The following MAP9 variants were observed in gnomAD, a reference collection of about 807,000 sequenced individuals.
MAP9 encodes microtubule-associated protein 9.
In MAP9, 80 loss-of-function variants were observed where a neutral mutation model predicts 75.2. The ratio of observed to expected loss-of-function variants is 1.06; its 90% CI spans 0.89 to 1.28. The LOEUF is 1.28. Ranked by LOEUF, MAP9 falls within the 50% of genes most tolerant of loss-of-function variation. The probability of loss-of-function intolerance (pLI) is 0.00; values close to 1 mark genes in which losing one functional copy is unlikely to be tolerated. For missense variants in MAP9, 753 were observed against 719.9 expected, an observed-to-expected ratio of 1.05 and a Z score of -0.53; for synonymous variants, 235 against 237.3, an observed-to-expected ratio of 0.99 and a Z score of 0.09.
intron 4 of MAP9, among the ~76,000 whole-genome samples, chr4:155,369,555 G>A (rs1283203698): frequency 1.3e-5 from 2 of 152,082 alleles, no homozygotes; most frequent in Non-Finnish European, 2.9e-5. Context: ...TGAGTACCAA[G>A]CCCTGTACAC....
intron 7 of MAP9, 43 bp downstream of exon 7, chr4:155,360,125 A>T (rs778825816): frequency 6.4e-7 from 1 of 1,559,120 alleles, no homozygotes; most frequent in South Asian, 1.2e-5. Flanking sequence ...TTCTATTTCA[A>T]GTTTTAAGCT....
chr4:155,369,598 T>C (rs1205728615), intron 4 of MAP9, among the ~76,000 whole-genome samples: 1 of 152,128 alleles, frequency 6.6e-6, no homozygotes, highest in Non-Finnish European at 1.5e-5. Context: ...AAAGCGGCAA[T>C]GGACCTGTCC....
intron 8 of MAP9, chr4:155,357,178 C>A: frequency 2.9e-6 from 1 of 348,852 alleles, no homozygotes; most frequent in Non-Finnish European, 5.2e-6. Context: ...GAAAAATATT[C>A]CTAGGACGAT....
chr4:155,368,911 C>G, intron 4 of MAP9, 99 bp from the exon 5 acceptor site: 1 of 929,288 alleles, frequency 1.1e-6, no homozygotes, highest in Non-Finnish European at 1.6e-6. Context: ...GCCTATGCCC[C>G]TTTGTTCTCT....
Position 155,360,298 on chromosome 4 carries a change from A to C in MAP9, c.920T>G (p.Val307Gly). Residue 307 changes from valine (V) to glycine (G), a missense_variant, in exon 7 of 14, where the codon GTG (valine) becomes GGG (glycine). Val to Gly is a moderately radical substitution (Grantham distance 109). Transcript: ENST00000311277. ...TAVEKSKESQ[V>G]TADDLEEEKA... is the part of the protein sequence containing the mutation. Reference sequence around the variant, plus strand: ...TTCTTCTTCAAGGTCATCAGCAGTCACTTGACTTTCCTTGGATTTCTCAAC... The same window carrying C: ...TTCTTCTTCAAGGTCATCAGCAGTCCCTTGACTTTCCTTGGATTTCTCAAC... 1 of 1,613,256 alleles carries C rather than the reference A, an allele frequency of 6.2e-7. No homozygotes were observed. The highest frequency in any genetic ancestry group is 8.5e-7 in the Non-Finnish European group (1 of 1,179,436).
At chr4:155,371,361 A>G (rs540583408) in intron 4 of MAP9, among the ~76,000 whole-genome samples, 80 of 152,116 alleles carry the variant, frequency 5.3e-4, no homozygotes, top group African/African-American at 1.6e-3. Context: ...AATCATTCAT[A>G]TATTAATTTA....
intron 13 of MAP9, among the ~76,000 whole-genome samples, chr4:155,350,675 A>G (rs1731474021): frequency 6.6e-6 from 1 of 151,974 alleles, no homozygotes; most frequent in Non-Finnish European, 1.5e-5. Flanking sequence ...AAATTGAACC[A>G]ATTTTGATTA....
Position 155,355,833 on chromosome 4 carries a change from T to A in MAP9, c.1173A>T (p.Pro391=), listed in dbSNP as rs200969355. Residue 391 remains proline, a synonymous_variant, in exon 9 of 14, where the codon CCA becomes CCT. Transcript: ENST00000311277. ...AATAGTGAGAAGAGGTAGTTGTCGA[T>A]GGAGTTCTCCTTTTAGAACTAGATT... ...LKKSSSKRRT[P]STTTSSHYLG... is the part of the protein sequence containing the mutation. 6.2e-7 allele frequency: 1 copy of A among 1,613,746 alleles called. No individual in the cohort carries two copies. Among genetic ancestry groups the A allele is most frequent in the East Asian group, 2.2e-5 (1 of 44,862 alleles).
At chr4:155,369,362 C>CA (rs145755061) in intron 4 of MAP9, among the ~76,000 whole-genome samples, 119 of 129,874 alleles carry the variant, frequency 9.2e-4, no homozygotes, top group Admixed American at 1.6e-3. Flanking sequence ...ACAACAACAA[C>CA]AAAAAAAAAA....
chr4:155,354,010 A>T (rs1389294338), intron 10 of MAP9, among the ~76,000 whole-genome samples: 1 of 152,178 alleles, frequency 6.6e-6, no homozygotes, highest in East Asian at 1.9e-4. Flanking sequence ...AACATAATTT[A>T]GAGGTCAAAG....
intron 7 of MAP9, among the ~76,000 whole-genome samples, chr4:155,359,862 T>C (rs1731987209): frequency 6.6e-6 from 1 of 152,094 alleles, no homozygotes; most frequent in African/African-American, 2.4e-5. Flanking sequence ...GTTATATTTT[T>C]AAAATATGAA....
intron 6 of MAP9, 99 bp downstream of exon 6, chr4:155,361,949 T>C (rs1219297144): frequency 5.4e-6 from 4 of 734,158 alleles, no homozygotes; most frequent in Non-Finnish European, 8.9e-6. Context: ...TAAAAACATA[T>C]ATTTCTCTTA....
At chr4:155,374,576 G>A (rs1430215841) in intron 3 of MAP9, among the ~76,000 whole-genome samples, 1 of 152,100 alleles carries the variant, frequency 6.6e-6, no homozygotes, top group Non-Finnish European at 1.5e-5. Context: ...AGTTCTGTGG[G>A]ACTAGTTACT....
chr4:155,371,050 A>C (rs1024536965), intron 4 of MAP9, among the ~76,000 whole-genome samples: 1 of 152,198 alleles, frequency 6.6e-6, no homozygotes, highest in Non-Finnish European at 1.5e-5. Flanking sequence ...CCTGACTCCA[A>C]AGTTCATGAT....
At position 155,346,032 on chromosome 4, in the gene MAP9, G is replaced by C. The variant is rs1329624593; in HGVS notation, c.*1751C>G. 1.3e-5 allele frequency: 2 copies of C among 152,066 alleles called. No individual in the cohort carries two copies. Among genetic ancestry groups the C allele is most frequent in the African/African-American group, 4.8e-5 (2 of 41,412 alleles). The allele number at this position is 152,066 out of a possible 1,614,324, so 9.4% of individuals were successfully genotyped here. ...CAATTTCATAAAGTATTACAGTTCT[G>C]GCCATATAGAAAGGGTTCTAGTTTT... On this transcript the variant is annotated 3_prime_UTR_variant, in exon 14 of 14. Coordinates refer to ENST00000311277, the MANE Select transcript of MAP9 (RefSeq NM_001039580.2).
intron 6 of MAP9, 66 bp from the exon 7 acceptor site, chr4:155,360,481 A>G: frequency 2.1e-6 from 3 of 1,458,876 alleles, no homozygotes; most frequent in Non-Finnish European, 1.8e-6. Flanking sequence ...TACTTGATTC[A>G]TTTGCTTTCT....
At chr4:155,367,209 G>A (rs753844989) in intron 5 of MAP9, 1 of 152,126 alleles carries the variant, frequency 6.6e-6, no homozygotes, top group African/African-American at 2.4e-5. Flanking sequence ...CTCAATTAGG[G>A]TGGGCCCTAA....
Position 155,368,335 on chromosome 4 carries a change from A to T in MAP9, c.708+251T>A, listed in dbSNP as rs961228696. ...TAAACTCTACAATCACTGGTGTGTT[A>T]TAGTTTAATTGGATGCATTTCCTTC... On this transcript the variant is annotated intron_variant, in intron 5 of 13. Transcript: ENST00000311277. The T allele has an allele frequency of 1.2e-4, 71 of 594,810 alleles. No individual in the cohort carries two copies. The African/African-American group carries it at 1.2e-3, about 10-fold the overall frequency. 36.8% of individuals were successfully genotyped at this position (594,810 alleles called of 1,614,324 possible).
intron 6 of MAP9, 123 bp downstream of exon 6, chr4:155,361,925 A>C: frequency 1.6e-6 from 1 of 639,706 alleles, no homozygotes; most frequent in Non-Finnish European, 2.6e-6. Context: ...AGTCAGGATT[A>C]AAACTCAAAC....
Sources: gnomAD v4.1 joint callset for allele counts (sites outside exome capture counted in the v4.1 genomes callset) on GRCh38, gnomAD v4.1.1 for gene constraint, MANE v1.5 for transcripts, NCBI Gene and HGNC (gene_info 2026-07-23, HGNC 2026-07-21) for gene names.